Variants in UBR4 observed in about 807,000 individuals in gnomAD.
The protein encoded by UBR4 is E3 ubiquitin-protein ligase UBR4.
Under a neutral mutation model 575.6 loss-of-function variants are expected in UBR4, and 124 were observed. The observed-to-expected ratio is 0.22, with a 90% CI of 0.19 to 0.25. The LOEUF is 0.25. UBR4 is among the 10% of genes least tolerant of loss of function. The pLI is 1.00. For missense variants in UBR4, 4,818 were observed against 6,478.8 expected (o/e 0.74, Z 8.80); for synonymous variants, 2,455 against 2,473.7 (o/e 0.99, Z 0.22).
rs2086039217 is a variant in UBR4 at position 19,153,619 on chromosome 1, G to A, written c.6631-117C>T. On this transcript the variant is annotated intron_variant, in intron 45 of 105. Transcript: ENST00000375254. The surrounding 1 kb of genome is among the most constrained non-coding windows in gnomAD (Gnocchi z 4.1). ...GGTCAGTTGAGGGGCTGTACAGAAG[G>A]GTGGCAAAGAAAAGGCATCTAGAAG... 2 of 1,463,898 alleles carry A rather than the reference G, an allele frequency of 1.4e-6. No individual in the cohort carries two copies. Among genetic ancestry groups the A allele is most frequent in the African/African-American group, 1.4e-5 (1 of 70,804 alleles). The allele number at this position is 1,463,898 out of a possible 1,614,324, so 90.7% of individuals were successfully genotyped here.
At chr1:19,112,491 C>G in intron 78 of UBR4, 33 bp downstream of exon 78, 1 of 1,573,160 alleles carries the variant, frequency 6.4e-7, no homozygotes, top group South Asian at 1.2e-5. Flanking sequence ...CAGTAGGAAC[C>G]ACTAGGCCCA....
chr1:19,086,035 C>T, intron 101 of UBR4, 110 bp downstream of exon 101: 3 of 1,457,864 alleles, frequency 2.1e-6, no homozygotes, highest in Non-Finnish European at 2.7e-6. Context: ...CATGGATTCC[C>T]AAGGAAGGTA....
At chr1:19,138,304 T>G in intron 59 of UBR4, 123 bp from the exon 60 acceptor site, 1 of 1,096,352 alleles carries the variant, frequency 9.1e-7, no homozygotes, top group Non-Finnish European at 1.2e-6. Context: ...ACTGGTAGCA[T>G]TTTTGTCTTA....
intron 77 of UBR4, 32 bp from the exon 78 acceptor site, chr1:19,112,899 T>C: frequency 6.6e-7 from 1 of 1,519,154 alleles, no homozygotes; most frequent in South Asian, 1.3e-5. Context: ...TAATGGGAAT[T>C]AGCAATTAAA....
intron 60 of UBR4, among the ~76,000 whole-genome samples, chr1:19,134,268 A>C (rs759069949): frequency 2.0e-4 from 31 of 151,582 alleles, no homozygotes; most frequent in Non-Finnish European, 4.3e-4. Flanking sequence ...ATAAATAAAT[A>C]AATAAAAATA....
intron 102 of UBR4, among the ~76,000 whole-genome samples, chr1:19,083,332 G>A (rs559965673): frequency 6.6e-6 from 1 of 152,308 alleles, no homozygotes; most frequent in South Asian, 2.1e-4. Context: ...GGAAATGGGA[G>A]GGAAGGAAAA....
Position 19,150,659 on chromosome 1 carries a change from G to A in UBR4, c.7348C>T (p.Pro2450Ser). 3 of 1,614,050 alleles carry A rather than the reference G, an allele frequency of 1.9e-6. No individual in the cohort carries two copies. The highest frequency in any genetic ancestry group is 2.5e-6 in the Non-Finnish European group (3 of 1,180,004). ...CCGTTGCTCTGGTTCAGATTTGAAG[G>A]GCAGATGTTGCTGACAGAGGCAGAA... Reference protein sequence around the residue: ...FPSASVSNICPSNLNQSNGTG... With the variant: ...FPSASVSNICSSNLNQSNGTG... Residue 2450 changes from proline (P) to serine (S), a missense_variant, in exon 49 of 106, where the codon CCT becomes TCT. Physicochemically the swap from Pro to Ser is moderately conservative, Grantham distance 74 (BLOSUM62 -1). This residue lies in a region of UBR4 where 340 missense variants were observed against 375.4 expected (regional missense o/e 0.91). Transcript: ENST00000375254.
chr1:19,076,833 T>C lies in UBR4; in HGVS notation c.15394A>G (p.Met5132Val), dbSNP rs774358349. Residue 5132 changes from methionine (M) to valine (V), a missense_variant, in exon 105 of 106, where the codon ATG (methionine) becomes GTG (valine). By Grantham distance (21) the Met-to-Val change is conservative. Transcript: ENST00000375254. The stretch of plus-strand genomic sequence containing the variant: ...TTGTCGGCAGCTTCGTAGATGGGCA[T>C]GTCGTTGTGGCGGATGTACTCAGCG... ...SLAEYIRHND[M>V]PIYEAADKAL... 15 of 1,613,390 alleles carry C rather than the reference T, an allele frequency of 9.3e-6. No individual in the cohort carries two copies. The highest frequency in any genetic ancestry group is 1.3e-5 in the Non-Finnish European group (15 of 1,179,730).
At chr1:19,186,465 T>G in intron 14 of UBR4, 75 bp downstream of exon 14, 2 of 1,331,956 alleles carry the variant, frequency 1.5e-6, no homozygotes, top group Non-Finnish European at 2.1e-6. Context: ...GTCAGGAAAC[T>G]ACAGGAATCT....
At chr1:19,131,243 T>TAAAAAAAAAAAAAAAAAAAAAAA in intron 60 of UBR4, among the ~76,000 whole-genome samples, 1 of 102,948 alleles carries the variant, frequency 9.7e-6, no homozygotes, top group Non-Finnish European at 1.9e-5. Flanking sequence ...TCTTGAAACT[T>TAAAAAAAAAAAAAAAAAAAAAAA]AAAAAAAAAA....
rs1020218616 is a variant in UBR4, at chr1:19,198,655, T to C, written c.534A>G (p.Ser178=). 6.2e-7 allele frequency: 1 copy of C among 1,614,132 alleles called. No individual in the cohort carries two copies. Among genetic ancestry groups the C allele is most frequent in the Non-Finnish European group, 8.5e-7 (1 of 1,180,018 alleles). Reference sequence around the variant, plus strand: ...TTTGCCTCAACTCAGGGCTTACTGGTGAGGCCAGCTCTTTCTGATCTTCCA... The same window carrying C: ...TTTGCCTCAACTCAGGGCTTACTGGCGAGGCCAGCTCTTTCTGATCTTCCA... ...SDVEDQKELA[S]PVSPELRQKE... The change falls in exon 5 of 106, where the codon TCA becomes TCG. Residue 178 remains serine, a synonymous_variant. Transcript: ENST00000375254.
chr1:19,175,001 G>C lies in UBR4; in HGVS notation c.2806C>G (p.Leu936Val), dbSNP rs1330575248. 1 of 1,613,974 alleles carries C rather than the reference G, an allele frequency of 6.2e-7. No homozygotes were observed. Among genetic ancestry groups the C allele is most frequent in the Admixed American group, 1.7e-5 (1 of 60,000 alleles). ...TCATCCTCTGAGGCTTCTGGGGACA[G>C]GACACAGTAGAATCTGGGGTGTGGG... is the stretch of plus-strand genomic sequence containing the variant. ...AVPHPRFYCV[L>V]SPEASEDDLN... The change falls in exon 21 of 106, where the codon CTG (leucine) becomes GTG (valine). Residue 936 changes from leucine (L) to valine (V), a missense_variant. Physicochemically the swap from Leu to Val is conservative, Grantham distance 32. Coordinates refer to ENST00000375254, the MANE Select transcript of UBR4 (RefSeq NM_020765.3).
intron 60 of UBR4, among the ~76,000 whole-genome samples, chr1:19,132,096 C>T (rs1338018898): frequency 6.7e-6 from 1 of 149,846 alleles, no homozygotes; most frequent in African/African-American, 2.5e-5. Flanking sequence ...TATCAAAACA[C>T]AACATTATCA....
Position 19,197,244 on chromosome 1 carries a change from A to G in UBR4, c.915T>C (p.Asp305=). ...AAAGGGTATCCAATGCCATAGTTAC[A>G]TCAATCACCAATGAATGAAAGCTGG... ...VRNGFHSLVI[D]VTMALDTLSL... Residue 305 remains aspartate, a synonymous_variant, in exon 8 of 106, where the codon GAT becomes GAC. Coordinates refer to ENST00000375254, the MANE Select transcript of UBR4 (RefSeq NM_020765.3). 6.2e-7 allele frequency: 1 copy of G among 1,614,222 alleles called. No individual in the cohort carries two copies. The highest frequency in any genetic ancestry group is 1.3e-5 in the African/African-American group (1 of 75,048).
In UBR4 at chr1:19,157,518, C is replaced by T. The variant is rs924468450; in HGVS notation, c.5760+297G>A. ...TGACCAAACAGGGCAAGACTGGGAG[C>T]CAAGCCGTCCTCGGTAACTGCTAAT... On this transcript the variant is annotated intron_variant, in intron 40 of 105. Coordinates refer to ENST00000375254, the MANE Select transcript of UBR4 (RefSeq NM_020765.3). The surrounding 1 kb of genome is among the most constrained non-coding windows in gnomAD (Gnocchi z 4.4). 1.3e-5 allele frequency among the ~76,000 whole-genome samples: 2 copies of T among 152,248 alleles called. No homozygotes were observed. Among genetic ancestry groups the T allele is most frequent in the Non-Finnish European group, 2.9e-5 (2 of 68,040 alleles).
At chr1:19,175,399 A>G (rs1267870039) in intron 20 of UBR4, among the ~76,000 whole-genome samples, 1 of 152,212 alleles carries the variant, frequency 6.6e-6, no homozygotes, top group East Asian at 1.9e-4. Flanking sequence ...ATTAGTCTGC[A>G]CACATTAAAC....
chr1:19,183,020 C>T (rs183064161), intron 17 of UBR4, among the ~76,000 whole-genome samples: 1 of 152,272 alleles, frequency 6.6e-6, no homozygotes, highest in East Asian at 1.9e-4. Context: ...ATTGGAAGTT[C>T]ACAGTCAACG....
chr1:19,163,946 T>G, intron 33 of UBR4, 119 bp from the exon 34 acceptor site: 2 of 1,144,662 alleles, frequency 1.7e-6, no homozygotes, highest in Non-Finnish European at 2.6e-6. Flanking sequence ...GCAGAAGCAT[T>G]CTTAGAAAAC....
rs1430918048 is a variant in UBR4, at chr1:19,199,636, G to T, written c.378+15C>A. The T allele has an allele frequency of 6.2e-7, 1 of 1,611,106 alleles. No homozygotes were observed. Among genetic ancestry groups the T allele is most frequent in the Non-Finnish European group, 8.5e-7 (1 of 1,177,586 alleles). On this transcript the variant is annotated intron_variant, in intron 3 of 105. Transcript: ENST00000375254. ...TGCTTCAGAATAGGGCAAGAAATGGGCCCATCACTCTCACCTGGGACACAG... is the reference window on the plus strand; with the variant it reads ...TGCTTCAGAATAGGGCAAGAAATGGTCCCATCACTCTCACCTGGGACACAG...
Sources: allele counts gnomAD v4.1 joint callset (sites outside exome capture counted in the v4.1 genomes callset), GRCh38; gene constraint gnomAD v4.1.1; regional missense constraint gnomAD v4.1.1; non-coding constraint Gnocchi (gnomAD v3.1); transcripts MANE v1.5; gene names NCBI Gene and HGNC (gene_info 2026-07-23, HGNC 2026-07-21).